ACOT12: variants seen among roughly 807,000 people sequenced by gnomAD.
ACOT12 encodes acetyl-coenzyme A thioesterase.
ACOT12 carries 51 observed loss-of-function variants against 67.7 expected under a neutral mutation model. That is an observed-to-expected ratio of 0.75 (90% CI 0.60 to 0.95). ACOT12 has a LOEUF of 0.95. Ranked by LOEUF, ACOT12 falls within the 40% of genes least tolerant of loss-of-function variation. The pLI, the probability that ACOT12 is intolerant of heterozygous loss-of-function variation, is 0.00. For missense variants in ACOT12, 734 were observed against 708.1 expected (o/e 1.04, Z -0.41); for synonymous variants, 251 against 244.6 (o/e 1.03, Z -0.24).
At chr5:81,326,092 C>T (rs116214093), downstream of ACOT12, among the ~76,000 whole-genome samples, 2,428 of 148,000 alleles carry the variant, frequency 0.016, 55 homozygotes, top group African/African-American at 0.057. Context: ...TAGGCATGAG[C>T]GACTGCACAC....
chr5:81,328,241 A>G (rs1009420934), downstream of ACOT12, among the ~76,000 whole-genome samples: 2 of 151,842 alleles, frequency 1.3e-5, no homozygotes, highest in Admixed American at 6.6e-5. Context: ...TAAAATATCA[A>G]CCACCACCCC....
At chr5:81,391,456 T>C (rs1042779293) in intron 1 of ACOT12, among the ~76,000 whole-genome samples, 2 of 152,272 alleles carry the variant, frequency 1.3e-5, no homozygotes, top group Admixed American at 6.5e-5. Flanking sequence ...AGCCTACTTT[T>C]GTTCACTTTT....
chr5:81,327,640 C>A (rs1404333941), downstream of ACOT12, among the ~76,000 whole-genome samples: 1 of 152,180 alleles, frequency 6.6e-6, no homozygotes, highest in Non-Finnish European at 1.5e-5. Flanking sequence ...GGGGTTTCAC[C>A]ATGTTGGTCA....
At chr5:81,393,841 C>T in intron 1 of ACOT12, 147 bp downstream of exon 1, 2 of 868,996 alleles carry the variant, frequency 2.3e-6, no homozygotes, top group East Asian at 7.2e-5. Flanking sequence ...AGCGCGGGCG[C>T]ACTGTTGCAA....
chr5:81,343,348 G>A lies in ACOT12; in HGVS notation c.1044+470C>T, dbSNP rs376616156. On this transcript the variant is annotated intron_variant, in intron 10 of 14. Coordinates refer to ENST00000307624, the MANE Select transcript of ACOT12 (RefSeq NM_130767.3). ...AAGTAACTGTATACTTAACAACTGC[G>A]TATCATTTTAGTATCATTTTAGTTG... Among the ~76,000 whole-genome samples the A allele has an allele frequency of 2.2e-4, 34 of 152,220 alleles. No individual in the cohort carries two copies. The East Asian group carries it at 2.3e-3, about 10-fold the overall frequency.
At chr5:81,343,107 C>A (rs1759254231) in intron 10 of ACOT12, among the ~76,000 whole-genome samples, 1 of 151,856 alleles carries the variant, frequency 6.6e-6, no homozygotes, top group African/African-American at 2.4e-5. Flanking sequence ...CTTGAACCCG[C>A]CACCGGGAGG....
At chr5:81,350,907 G>A (rs1248046143) in intron 5 of ACOT12, among the ~76,000 whole-genome samples, 1 of 152,140 alleles carries the variant, frequency 6.6e-6, no homozygotes, top group African/African-American at 2.4e-5. Context: ...TCACATGGAC[G>A]CCTGGTTTTG....
chr5:81,319,090 C>T, the ACOT12 span, among the ~76,000 whole-genome samples: 1 of 152,216 alleles, frequency 6.6e-6, no homozygotes, highest in East Asian at 1.9e-4. Context: ...AACTCATGCT[C>T]TTACAGAGAT....
chr5:81,332,689 T>C, intron 12 of ACOT12, 84 bp from the exon 13 acceptor site: 6 of 1,530,242 alleles, frequency 3.9e-6, no homozygotes, highest in Non-Finnish European at 4.5e-6. Flanking sequence ...ATAATCTCAT[T>C]ATTTGTATCC....
At chr5:81,393,951 G>C in intron 1 of ACOT12, 37 bp downstream of exon 1, 1 of 1,298,968 alleles carries the variant, frequency 7.7e-7, no homozygotes, top group East Asian at 3.2e-5. Context: ...CCGCAGCCCC[G>C]GTCCCGCGCC....
downstream of ACOT12, among the ~76,000 whole-genome samples, chr5:81,328,254 A>T (rs1470873479): frequency 6.6e-6 from 1 of 150,994 alleles, no homozygotes; most frequent in Admixed American, 6.6e-5. Context: ...ACCACCCCCA[A>T]CCCTTCCCCA....
In ACOT12 at chr5:81,332,492, T is replaced by C. The variant is rs1248848793; in HGVS notation, c.1376A>G (p.Lys459Arg). The C allele has an allele frequency of 3.1e-6, 5 of 1,613,910 alleles. No individual in the cohort carries two copies. The highest frequency in any genetic ancestry group is 4.2e-6 in the Non-Finnish European group (5 of 1,179,974). The change falls in exon 13 of 15, where the codon AAA (lysine) becomes AGA (arginine). Residue 459 changes from lysine to arginine, a missense_variant. Coordinates refer to ENST00000307624, the MANE Select transcript of ACOT12 (RefSeq NM_130767.3). The part of the protein sequence containing the change: ...KDLVVLVSRR[K>R]PLKDGNTYTV... ...ATATACTCACCCATCTTTGAGGGGT[T>C]TTCTTCGTGATACGAGTACTACCAA... is the stretch of plus-strand genomic sequence containing the variant.
chr5:81,338,812 A>G (rs867857266), intron 11 of ACOT12, among the ~76,000 whole-genome samples: 1 of 152,286 alleles, frequency 6.6e-6, no homozygotes, highest in South Asian at 2.1e-4. Flanking sequence ...TACAAATAGT[A>G]TAAGAGGGCT....
chr5:81,323,803 T>TTA, the ACOT12 span, among the ~76,000 whole-genome samples: 42 of 150,688 alleles, frequency 2.8e-4, no homozygotes, highest in Non-Finnish European at 4.9e-4. Context: ...AAGATAGGTT[T>TTA]TATATATATA....
At chr5:81,312,549 A>G in the ACOT12 span, 3 of 1,612,512 alleles carry the variant, frequency 1.9e-6, no homozygotes, top group Non-Finnish European at 2.5e-6. Context: ...TACAGAGCGA[A>G]TGGTCACAGT....
At chr5:81,392,962 C>T (rs554768177) in intron 1 of ACOT12, among the ~76,000 whole-genome samples, 1 of 152,296 alleles carries the variant, frequency 6.6e-6, no homozygotes, top group South Asian at 2.1e-4. Flanking sequence ...ACCAGGATTC[C>T]ACTCTTATGA....
chr5:81,329,248 G>GT (rs1359655799), downstream of ACOT12, among the ~76,000 whole-genome samples: 1 of 152,158 alleles, frequency 6.6e-6, no homozygotes, highest in Admixed American at 6.5e-5. Flanking sequence ...TTAGTTTAAT[G>GT]TAACTCCTTC....
At chr5:81,345,766 T>C in intron 7 of ACOT12, 119 bp downstream of exon 7, 1 of 1,327,264 alleles carries the variant, frequency 7.5e-7, no homozygotes, top group Non-Finnish European at 1.0e-6. Context: ...ATTTTGAAAA[T>C]TGCATGAAAA....
At chr5:81,312,609 G>A in the ACOT12 span, 121 of 1,613,930 alleles carry the variant, frequency 7.5e-5, no homozygotes, top group South Asian at 1.3e-3. Context: ...AATTTTGGAT[G>A]TACCTAAACC....
Sources: allele counts gnomAD v4.1 joint callset (sites outside exome capture counted in the v4.1 genomes callset), GRCh38; gene constraint gnomAD v4.1.1; transcripts MANE v1.5; gene names NCBI Gene and HGNC (gene_info 2026-07-23, HGNC 2026-07-21).